The following SLC26A7 variants were observed in gnomAD, a reference collection of about 807,000 sequenced individuals.
The protein encoded by SLC26A7 is anion exchange transporter.
In SLC26A7, 59 loss-of-function variants were observed where a neutral mutation model predicts 82.5. The ratio of observed to expected loss-of-function variants is 0.72; its 90% CI spans 0.58 to 0.89. The LOEUF (loss-of-function observed/expected upper bound fraction) is 0.89, where lower values mean the gene tolerates loss of function less well. Among genes scored for constraint, SLC26A7 ranks in the 40% least tolerant of loss-of-function variants. The probability of loss-of-function intolerance (pLI) is 0.00; values close to 1 mark genes in which losing one functional copy is unlikely to be tolerated. For synonymous variants in SLC26A7, 271 were observed against 274.3 expected (o/e 0.99, Z 0.12); for missense variants, 820 against 793.0 (o/e 1.03, Z -0.41).
intron 15 of SLC26A7, among the ~76,000 whole-genome samples, chr8:91,382,304 A>G (rs1814690185): frequency 6.6e-6 from 1 of 152,160 alleles, no homozygotes; most frequent in Admixed American, 6.5e-5. Flanking sequence ...AGGCTTCCTT[A>G]TCCTTTCAAA....
At chr8:91,376,305 CT>C (rs2130888360) in intron 15 of SLC26A7, among the ~76,000 whole-genome samples, 1 of 152,320 alleles carries the variant, frequency 6.6e-6, no homozygotes, top group African/African-American at 2.4e-5. Flanking sequence ...TCTTTTTGTA[CT>C]GCAGTAGTTC....
At chr8:91,374,273 G>T (rs1212115766) in intron 15 of SLC26A7, among the ~76,000 whole-genome samples, 1 of 151,206 alleles carries the variant, frequency 6.6e-6, no homozygotes, top group Admixed American at 6.6e-5. Flanking sequence ...CTTTGGGTTT[G>T]ATTTGTTCTT....
At chr8:91,365,938 C>T (rs963484297) in intron 13 of SLC26A7, among the ~76,000 whole-genome samples, 11 of 152,320 alleles carry the variant, frequency 7.2e-5, no homozygotes, top group African/African-American at 2.2e-4. Flanking sequence ...TTTAGTTGCA[C>T]ATCACCAAGT....
intron 2 of SLC26A7, among the ~76,000 whole-genome samples, chr8:91,267,914 T>C (rs1009805501): frequency 2.0e-5 from 3 of 151,844 alleles, no homozygotes; most frequent in Admixed American, 6.6e-5. Context: ...GAACTGCTTT[T>C]GCTGTATCCT....
intron 15 of SLC26A7, among the ~76,000 whole-genome samples, chr8:91,385,763 T>A (rs532794939): frequency 3.2e-4 from 48 of 152,252 alleles, no homozygotes; most frequent in African/African-American, 1.1e-3. Flanking sequence ...GAGTTAATAA[T>A]CTATCATCAT....
At chr8:91,327,356 T>A (rs1812961538) in intron 5 of SLC26A7, among the ~76,000 whole-genome samples, 1 of 152,198 alleles carries the variant, frequency 6.6e-6, no homozygotes, top group Non-Finnish European at 1.5e-5. Flanking sequence ...CTGATAGAAG[T>A]ACCATCTAAA....
intron 2 of SLC26A7, among the ~76,000 whole-genome samples, chr8:91,243,419 A>G (rs1810500149): frequency 6.6e-6 from 1 of 152,218 alleles, no homozygotes. Context: ...ATCTTCTTTT[A>G]GAAAAGTTTG....
chr8:91,295,985 G>T (rs1285148583), intron 4 of SLC26A7, among the ~76,000 whole-genome samples: 2 of 152,190 alleles, frequency 1.3e-5, no homozygotes, highest in Non-Finnish European at 2.9e-5. Context: ...GAGCTTCCTT[G>T]TAAGGCAATG....
intron 4 of SLC26A7, among the ~76,000 whole-genome samples, chr8:91,309,645 C>A (rs1393057154): frequency 6.6e-6 from 1 of 151,694 alleles, no homozygotes; most frequent in Non-Finnish European, 1.5e-5. Context: ...GAAGGAGAGA[C>A]CAAGGCAAGT....
chr8:91,230,303 A>G (rs1325246632), intron 2 of SLC26A7, among the ~76,000 whole-genome samples: 1 of 152,208 alleles, frequency 6.6e-6, no homozygotes. Flanking sequence ...TGTTCTAGAC[A>G]AAGTCCAAAC....
intron 8 of SLC26A7, among the ~76,000 whole-genome samples, chr8:91,341,965 G>T (rs189218753): frequency 9.6e-4 from 146 of 152,136 alleles, no homozygotes; most frequent in African/African-American, 3.1e-3. Context: ...ACCTCACTCT[G>T]TTGGCCAGGC....
chr8:91,318,124 A>C (rs187189894), intron 4 of SLC26A7, 92 bp from the exon 5 acceptor site: 1 of 1,094,530 alleles, frequency 9.1e-7, no homozygotes, highest in East Asian at 2.5e-5. Context: ...GATTCTATCA[A>C]ATGAAAATGA....
chr8:91,361,920 C>A (rs1317182407), intron 11 of SLC26A7, among the ~76,000 whole-genome samples: 1 of 151,988 alleles, frequency 6.6e-6, no homozygotes, highest in East Asian at 1.9e-4. Context: ...TAATAAACAA[C>A]CTTAGTTATT....
At chr8:91,341,680 C>T (rs1428329389) in intron 8 of SLC26A7, among the ~76,000 whole-genome samples, 1 of 152,136 alleles carries the variant, frequency 6.6e-6, no homozygotes, top group Non-Finnish European at 1.5e-5. Flanking sequence ...CGAAACTTCC[C>T]AGTTGCTTCT....
intron 2 of SLC26A7, among the ~76,000 whole-genome samples, chr8:91,243,040 G>C (rs752189245): frequency 6.6e-6 from 1 of 152,050 alleles, no homozygotes; most frequent in Non-Finnish European, 1.5e-5. Context: ...TTAAACAGCG[G>C]TGGATTTGCA....
chr8:91,394,690 C>G, intron 18 of SLC26A7: 1 of 1,075,818 alleles, frequency 9.3e-7, no homozygotes, highest in Non-Finnish European at 1.1e-6. Flanking sequence ...AATAATAACA[C>G]TATTATTATT....
chr8:91,364,150 A>T (rs571737969), intron 13 of SLC26A7, among the ~76,000 whole-genome samples: 1 of 152,276 alleles, frequency 6.6e-6, no homozygotes, highest in South Asian at 2.1e-4. Context: ...GTTCTAAGGG[A>T]TGACTATAAC....
rs140708988 is a variant in SLC26A7 at position 91,330,081 on chromosome 8, G to A, written c.643-4214G>A. On this transcript the variant is annotated intron_variant, in intron 5 of 18. Coordinates refer to ENST00000276609, the MANE Select transcript of SLC26A7 (RefSeq NM_052832.4). ...TAGAATTATGTGAAAAAGATAAAAAGCAAAGCTACCTGACCCCTAATACGT... is the reference window on the plus strand; with the variant it reads ...TAGAATTATGTGAAAAAGATAAAAAACAAAGCTACCTGACCCCTAATACGT... 9.1e-3 allele frequency among the ~76,000 whole-genome samples: 1,383 copies of A among 152,170 alleles called. 11 individuals are homozygous for A. The highest frequency in any genetic ancestry group is 0.032 in the African/African-American group (1,313 of 41,516).
chr8:91,342,299 T>A (rs1813443173), intron 8 of SLC26A7, among the ~76,000 whole-genome samples: 1 of 152,202 alleles, frequency 6.6e-6, no homozygotes, highest in Non-Finnish European at 1.5e-5. Context: ...AACTCAAGAT[T>A]TGCCCATGCT....
Sources: allele counts gnomAD v4.1 joint callset (sites outside exome capture counted in the v4.1 genomes callset), GRCh38; gene constraint gnomAD v4.1.1; transcripts MANE v1.5; gene names NCBI Gene and HGNC (gene_info 2026-07-23, HGNC 2026-07-21).